The following MON2 variants were observed in gnomAD, a reference collection of about 807,000 sequenced individuals.
The protein encoded by MON2 is MON2 regulator of endosome-to-Golgi trafficking.
In MON2, 84 loss-of-function variants were observed where a neutral mutation model predicts 208.6. The observed-to-expected ratio is 0.40, with a 90% CI of 0.34 to 0.48. The LOEUF (loss-of-function observed/expected upper bound fraction) is 0.48, where lower values mean the gene tolerates loss of function less well. Ranked by LOEUF, MON2 falls within the 20% of genes least tolerant of loss-of-function variation. The pLI, the probability that MON2 is intolerant of heterozygous loss-of-function variation, is 0.59. For missense variants in MON2, 1,611 were observed against 2,015.4 expected (o/e 0.80, Z 3.84); for synonymous variants, 660 against 694.0 (o/e 0.95, Z 0.77).
intron 29 of MON2, among the ~76,000 whole-genome samples, chr12:62,569,560 G>A (rs1565696729): frequency 6.6e-6 from 1 of 152,318 alleles, no homozygotes; most frequent in South Asian, 2.1e-4. Context: ...GAGAGAGAGT[G>A]TGTATGTTCC....
rs1452109289 is a variant in MON2 at position 62,580,317 on chromosome 12, T to C, written c.4596T>C (p.Asn1532=). The part of the protein sequence containing the change: ...IDVEVVQLIS[N]EILPYANFIP... The stretch of plus-strand genomic sequence containing the variant: ...TTTAGGTAGTTCAACTTATCAGCAA[T>C]GAGATACTACCTTATGCCAATTTTA... Residue 1532 remains asparagine, a synonymous_variant, in exon 32 of 35, where the codon AAT becomes AAC. Transcript: ENST00000393630. 1 of 1,608,536 alleles carries C rather than the reference T, an allele frequency of 6.2e-7. No individual in the cohort carries two copies. Among genetic ancestry groups the C allele is most frequent in the Non-Finnish European group, 8.5e-7 (1 of 1,175,988 alleles).
intron 1 of MON2, among the ~76,000 whole-genome samples, chr12:62,480,577 C>G (rs1052524538): frequency 1.3e-5 from 2 of 152,102 alleles, no homozygotes. Context: ...AAATGAAAAA[C>G]AAACTTCCTT....
chr12:62,510,999 A>G (rs758594640), intron 8 of MON2, among the ~76,000 whole-genome samples: 1 of 152,184 alleles, frequency 6.6e-6, no homozygotes, highest in African/African-American at 2.4e-5. Flanking sequence ...TAAGAAAACA[A>G]TTTCATTTGC....
chr12:62,541,464 A>C (rs78892840), intron 19 of MON2, among the ~76,000 whole-genome samples: 1,595 of 152,256 alleles, frequency 0.01, 7 homozygotes, highest in Middle Eastern at 0.027. Flanking sequence ...ACAGTATAAC[A>C]ACAACAAAAA....
At chr12:62,582,578 A>G (rs1284528469) in intron 32 of MON2, among the ~76,000 whole-genome samples, 1 of 152,216 alleles carries the variant, frequency 6.6e-6, no homozygotes, top group Admixed American at 6.5e-5. Context: ...TTCAGTCAAT[A>G]ATGTAAAAAA....
chr12:62,573,513 G>A (rs867893790), intron 30 of MON2, among the ~76,000 whole-genome samples: 3 of 151,328 alleles, frequency 2.0e-5, no homozygotes, highest in Admixed American at 6.6e-5. Flanking sequence ...GATTGCCGAG[G>A]CCCAGGAGTC....
At chr12:62,485,031 AT>A (rs1340755370) in intron 2 of MON2, 1 of 151,066 alleles carries the variant, frequency 6.6e-6, no homozygotes, top group Non-Finnish European at 1.5e-5. Flanking sequence ...GCTAATTGAG[AT>A]GTGAAGAGGT....
chr12:62,595,573 G>A lies in MON2; in HGVS notation c.*2824G>A, dbSNP rs1453838062. The A allele has an allele frequency of 1.3e-5, 2 of 152,058 alleles. No individual in the cohort carries two copies. The highest frequency in any genetic ancestry group is 4.8e-5 in the African/African-American group (2 of 41,386). 9.4% of individuals were successfully genotyped at this position (152,058 alleles called of 1,614,324 possible). A position where few individuals can be genotyped will look rare whatever the true frequency, so the allele number is the denominator to read the frequency against. On this transcript the variant is annotated 3_prime_UTR_variant, in exon 35 of 35. Transcript: ENST00000393630. ...AATAAAGTCTTTTTCTGGCCATTTT[G>A]TCCATTATAAAGGAAATAAACTAAT...
At chr12:62,575,803 C>T (rs2074754578) in intron 30 of MON2, among the ~76,000 whole-genome samples, 1 of 152,132 alleles carries the variant, frequency 6.6e-6, no homozygotes, top group African/African-American at 2.4e-5. Flanking sequence ...ACAAGGACTG[C>T]AATTTGGTAG....
intron 24 of MON2, among the ~76,000 whole-genome samples, chr12:62,555,560 A>T (rs1302900327): frequency 6.6e-6 from 1 of 152,196 alleles, no homozygotes; most frequent in Non-Finnish European, 1.5e-5. Flanking sequence ...CTGTAATCCC[A>T]ACACTTTGGG....
In MON2 at chr12:62,492,362, C is replaced by CTTT. The variant is rs67979134; in HGVS notation, c.176-1535_176-1533dup. ...CAAAAAATAACTGATAGAGTTAGTT[C>CTTT]TTTTTTTTTTTTTTTTTTTTGAGAC... On this transcript the variant is annotated intron_variant, in intron 2 of 34. Transcript: ENST00000393630. 6.0e-3 allele frequency among the ~76,000 whole-genome samples: 665 copies of CTTT among 110,228 alleles called. 28 individuals are homozygous for CTTT. The highest frequency in any genetic ancestry group is 0.015 in the African/African-American group (434 of 28,522). The allele number at this position is 110,228 out of a possible 152,430, so 72.3% of individuals were successfully genotyped here.
chr12:62,505,750 C>T (rs528252738), intron 7 of MON2, among the ~76,000 whole-genome samples: 1 of 151,598 alleles, frequency 6.6e-6, no homozygotes. Context: ...TCAGCTGGGC[C>T]TGGTGGCACA....
chr12:62,588,163 G>A lies in MON2; in HGVS notation c.4990+7G>A. The A allele has an allele frequency of 6.5e-7, 1 of 1,533,548 alleles. No individual in the cohort carries two copies. The highest frequency in any genetic ancestry group is 9.0e-7 in the Non-Finnish European group (1 of 1,115,786). The allele number at this position is 1,533,548 out of a possible 1,614,324, so 95.0% of individuals were successfully genotyped here. ...AAAACTCAGCCTGAGAATGGTAAGT[G>A]CTTAGAAACAGTTATTCTAAATTCG... On this transcript the variant is annotated splice_region_variant and intron_variant, in intron 34 of 34. Transcript: ENST00000393630.
chr12:62,588,812 A>G (rs1003303909), intron 34 of MON2: 10 of 1,239,142 alleles, frequency 8.1e-6, no homozygotes, highest in African/African-American at 6.1e-5. Flanking sequence ...AAAATTCTCA[A>G]TCTTCCCAAA....
At chr12:62,493,025 A>G (rs2070261141) in intron 2 of MON2, among the ~76,000 whole-genome samples, 1 of 148,486 alleles carries the variant, frequency 6.7e-6, no homozygotes, top group South Asian at 2.1e-4. Context: ...AGACACACAC[A>G]CACATACACA....
At chr12:62,562,830 G>A (rs1374180919) in intron 26 of MON2, among the ~76,000 whole-genome samples, 2 of 152,068 alleles carry the variant, frequency 1.3e-5, no homozygotes, top group Non-Finnish European at 2.9e-5. Flanking sequence ...CTTTTATATT[G>A]TTTAGGACTT....
At chr12:62,538,353 A>C in intron 18 of MON2, 28 bp downstream of exon 18, 1 of 1,595,440 alleles carries the variant, frequency 6.3e-7, no homozygotes, top group Non-Finnish European at 8.6e-7. Context: ...TAATTGATAA[A>C]AACATTGTTA....
At position 62,538,085 on chromosome 12, in the gene MON2, TA is replaced by T; in HGVS notation, c.2119-9del. On this transcript the variant is annotated splice_polypyrimidine_tract_variant and intron_variant, in intron 16 of 34. Coordinates refer to ENST00000393630, the MANE Select transcript of MON2 (RefSeq NM_015026.3). Reference sequence around the variant, plus strand: ...AAAGTTATTTGTTTTGATTTTTTTTTAATTTTACAGCATCTTGTGTGGATTC... The same window carrying T: ...AAAGTTATTTGTTTTGATTTTTTTTTATTTTACAGCATCTTGTGTGGATTC... The T allele has an allele frequency of 6.2e-7, 1 of 1,603,624 alleles. No individual in the cohort carries two copies. The highest frequency in any genetic ancestry group is 8.5e-7 in the Non-Finnish European group (1 of 1,175,892).
At chr12:62,558,791 A>G (rs1379286243) in intron 25 of MON2, among the ~76,000 whole-genome samples, 1 of 149,746 alleles carries the variant, frequency 6.7e-6, no homozygotes, top group African/African-American at 2.5e-5. Context: ...TCTGCCTCCT[A>G]GGTTCAAGCG....
Sources: gnomAD v4.1 joint callset for allele counts (sites outside exome capture counted in the v4.1 genomes callset) on GRCh38, gnomAD v4.1.1 for gene constraint, MANE v1.5 for transcripts, NCBI Gene and HGNC (gene_info 2026-07-23, HGNC 2026-07-21) for gene names.